The following ADAM23 variants were observed in gnomAD, a reference collection of about 807,000 sequenced individuals.
ADAM23 encodes the protein ADAM metallopeptidase domain 23.
A neutral mutation model predicts 120.1 loss-of-function variants in ADAM23; 33 were observed. The ratio of observed to expected loss-of-function variants is 0.27; its 90% CI spans 0.21 to 0.37. ADAM23 has a LOEUF of 0.37. Ranked by LOEUF, ADAM23 falls within the 10% of genes least tolerant of loss-of-function variation. The pLI, the probability that ADAM23 is intolerant of heterozygous loss-of-function variation, is 1.00. For missense variants in ADAM23, 862 were observed against 1,058.2 expected, an observed-to-expected ratio of 0.81 and a Z score of 2.57; for synonymous variants, 367 against 375.2, an observed-to-expected ratio of 0.98 and a Z score of 0.25.
chr2:206,497,809 A>G (rs1191149866), intron 3 of ADAM23, among the ~76,000 whole-genome samples: 1 of 152,194 alleles, frequency 6.6e-6, no homozygotes, highest in Non-Finnish European at 1.5e-5. Context: ...GCAAAGTCTC[A>G]AGATACAAAA....
chr2:206,521,387 G>A (rs915368264), intron 3 of ADAM23, among the ~76,000 whole-genome samples: 3 of 152,048 alleles, frequency 2.0e-5, no homozygotes, highest in Non-Finnish European at 2.9e-5. Context: ...TCCTGGACTC[G>A]AAATTAGTCC....
chr2:206,589,853 G>A lies in ADAM23; in HGVS notation c.1958+339G>A, dbSNP rs193166727. ...ACTTTTACTAGAATATATGGCCTAT[G>A]AGTGTAGTAGTATACATGTAGTTTA... On this transcript the variant is annotated intron_variant, in intron 21 of 25. Coordinates refer to ENST00000264377, the MANE Select transcript of ADAM23 (RefSeq NM_003812.4). Among the ~76,000 whole-genome samples the A allele has an allele frequency of 3.0e-4, 46 of 152,230 alleles. 2 individuals are homozygous for A. The highest frequency in any genetic ancestry group is 3.0e-3 in the Admixed American group (46 of 15,294).
intron 6 of ADAM23, among the ~76,000 whole-genome samples, chr2:206,544,870 C>G (rs1447971324): frequency 6.6e-6 from 1 of 151,906 alleles, no homozygotes; most frequent in Non-Finnish European, 1.5e-5. Context: ...GGAAGTCCAC[C>G]AAGAGAAGAC....
At chr2:206,572,197 G>A (rs572497321) in intron 17 of ADAM23, among the ~76,000 whole-genome samples, 1 of 152,102 alleles carries the variant, frequency 6.6e-6, no homozygotes, top group African/African-American at 2.4e-5. Flanking sequence ...ATTTATTTTA[G>A]ACCTGAACAT....
At chr2:206,512,788 G>A (rs1246517020) in intron 3 of ADAM23, among the ~76,000 whole-genome samples, 1 of 152,148 alleles carries the variant, frequency 6.6e-6, no homozygotes, top group Non-Finnish European at 1.5e-5. Context: ...GAAGGTTTTT[G>A]GGAGCCGTGC....
chr2:206,607,201 G>C (rs921257374), intron 24 of ADAM23: 3 of 152,170 alleles, frequency 2.0e-5, no homozygotes, highest in African/African-American at 7.2e-5. Context: ...GGGGAAGCTA[G>C]AAATACTAGA....
At chr2:206,459,744 C>T (rs969304002) in intron 2 of ADAM23, among the ~76,000 whole-genome samples, 3 of 152,290 alleles carry the variant, frequency 2.0e-5, no homozygotes, top group South Asian at 2.1e-4. Flanking sequence ...TACCCTAGCC[C>T]GTCCCTCCCA....
chr2:206,613,616 T>G (rs1417232915), intron 25 of ADAM23, among the ~76,000 whole-genome samples: 1 of 152,194 alleles, frequency 6.6e-6, no homozygotes, highest in Non-Finnish European at 1.5e-5. Context: ...ACCTCTGTCC[T>G]AGTTGACTCA....
chr2:206,609,346 AGAAGTGTATCTTTGAGAGCAAGGCT>A (rs761154320), intron 24 of ADAM23, among the ~76,000 whole-genome samples: 1 of 152,210 alleles, frequency 6.6e-6, no homozygotes, highest in Non-Finnish European at 1.5e-5. Flanking sequence ...AGGATAGTGA[AGAAGTGTATCTTTGAGAGCAAGGCT>A]TCAAAAGTCA....
chr2:206,570,329 T>G (rs1697970421), intron 15 of ADAM23, among the ~76,000 whole-genome samples: 1 of 152,204 alleles, frequency 6.6e-6, no homozygotes, highest in African/African-American at 2.4e-5. Context: ...TATTTATCTT[T>G]TTGACAGTTT....
intron 3 of ADAM23, among the ~76,000 whole-genome samples, chr2:206,496,415 G>A (rs184141343): frequency 0.044 from 6,702 of 152,150 alleles, 504 homozygotes; most frequent in African/African-American, 0.15. Flanking sequence ...GGTACATAAC[G>A]AAATGAAGGC....
intron 14 of ADAM23, 117 bp from the exon 15 acceptor site, chr2:206,567,106 G>T: frequency 5.1e-6 from 4 of 778,550 alleles, no homozygotes; most frequent in Admixed American, 2.5e-5. Context: ...GTCAAAATTT[G>T]TGTAGATTCA....
chr2:206,532,850 G>A (rs1697095769), intron 4 of ADAM23, among the ~76,000 whole-genome samples: 1 of 151,900 alleles, frequency 6.6e-6, no homozygotes, highest in Non-Finnish European at 1.5e-5. Context: ...AACTTCAAGG[G>A]AAGGCCTTCC....
intron 2 of ADAM23, among the ~76,000 whole-genome samples, chr2:206,464,464 A>T (rs1695497338): frequency 6.6e-6 from 1 of 152,212 alleles, no homozygotes; most frequent in Admixed American, 6.5e-5. Context: ...AGTCTCAGCT[A>T]CTTGGGAGGC....
intron 12 of ADAM23, 27 bp downstream of exon 12, chr2:206,561,239 C>A: frequency 6.3e-7 from 1 of 1,587,646 alleles, no homozygotes; most frequent in Non-Finnish European, 8.7e-7. Flanking sequence ...AGAGTTTCAT[C>A]TTTGCATCTG....
chr2:206,562,348 C>A, intron 13 of ADAM23, 55 bp downstream of exon 13: 1 of 1,206,120 alleles, frequency 8.3e-7, no homozygotes, highest in Non-Finnish European at 1.2e-6. Context: ...CTGTATAATG[C>A]ATGTCCAGTC....
At chr2:206,571,229 A>G (rs1427010152) in intron 16 of ADAM23, among the ~76,000 whole-genome samples, 1 of 151,288 alleles carries the variant, frequency 6.6e-6, no homozygotes. Context: ...TAATCCCAGC[A>G]CTTTGGGAGG....
Position 206,583,713 on chromosome 2 carries a change from G to T in ADAM23, c.1738-3612G>T, listed in dbSNP as rs148682443. On this transcript the variant is annotated intron_variant, in intron 18 of 25. Coordinates refer to ENST00000264377, the MANE Select transcript of ADAM23 (RefSeq NM_003812.4). Reference sequence around the variant, plus strand: ...TGTGTCCAAAGTTTCCTGAATTTTTGATCGTTTTTTCTTTAAGTTACTATT... The same window carrying T: ...TGTGTCCAAAGTTTCCTGAATTTTTTATCGTTTTTTCTTTAAGTTACTATT... Among the ~76,000 whole-genome samples, 489 of 152,126 alleles carry T rather than the reference G, an allele frequency of 3.2e-3. 2 individuals carry two copies. Among genetic ancestry groups the T allele is most frequent in the African/African-American group, 0.011 (445 of 41,518 alleles).
rs781343704 is a variant in ADAM23 at position 206,565,088 on chromosome 2, G to A, written c.1394+20G>A. ...AACAGGGTAAATTTTCATTATGCGT[G>A]CATTTGATATATGCCTTTTGCTAAA... On this transcript the variant is annotated intron_variant, in intron 14 of 25. Transcript: ENST00000264377. 27 of 1,613,338 alleles carry A rather than the reference G, an allele frequency of 1.7e-5. No homozygotes were observed. The highest frequency in any genetic ancestry group is 2.3e-5 in the Non-Finnish European group (27 of 1,179,494).
Sources: gnomAD v4.1 joint callset for allele counts (sites outside exome capture counted in the v4.1 genomes callset) on GRCh38, gnomAD v4.1.1 for gene constraint, MANE v1.5 for transcripts, NCBI Gene and HGNC (gene_info 2026-07-23, HGNC 2026-07-21) for gene names.